SULF2: variants seen among roughly 807,000 people sequenced by gnomAD.
The protein encoded by SULF2 is extracellular sulfatase Sulf-2.
SULF2 carries 52 observed loss-of-function variants against 107.7 expected under a neutral mutation model. The ratio of observed to expected loss-of-function variants is 0.48; its 90% CI spans 0.39 to 0.61. The LOEUF (loss-of-function observed/expected upper bound fraction) is 0.61, where lower values mean the gene tolerates loss of function less well. Ranked by LOEUF, SULF2 falls within the 20% of genes least tolerant of loss-of-function variation. The pLI is 0.00. For missense variants in SULF2, 993 were observed against 1,177.3 expected (o/e 0.84, Z 2.29); for synonymous variants, 460 against 464.3 (o/e 0.99, Z 0.12).
chr20:47,771,512 G>T (rs2090629629), intron 1 of SULF2, among the ~76,000 whole-genome samples: 1 of 152,156 alleles, frequency 6.6e-6, no homozygotes, highest in Non-Finnish European at 1.5e-5. Context: ...ACCTCGTTTG[G>T]GGAAAAAGGC....
intron 2 of SULF2, among the ~76,000 whole-genome samples, chr20:47,745,386 A>T (rs2089983482): frequency 1.5e-4 from 1 of 6,544 alleles, no homozygotes; most frequent in African/African-American, 1.6e-3. Context: ...TTGAGGGAAA[A>T]AAAAAAAAAA....
intron 1 of SULF2, among the ~76,000 whole-genome samples, chr20:47,770,187 A>G: frequency 6.6e-6 from 1 of 150,626 alleles, no homozygotes. Flanking sequence ...CAGCCTCCCA[A>G]GCAGCTGGGA....
chr20:47,761,292 G>A (rs2090413618), intron 1 of SULF2, among the ~76,000 whole-genome samples: 1 of 152,100 alleles, frequency 6.6e-6, no homozygotes, highest in Non-Finnish European at 1.5e-5. Flanking sequence ...TGTGAATTCT[G>A]CCCTCCCTCA....
intron 2 of SULF2, among the ~76,000 whole-genome samples, chr20:47,747,470 C>T (rs1360185395): frequency 1.8e-4 from 28 of 152,100 alleles, no homozygotes; most frequent in Admixed American, 1.8e-3. Flanking sequence ...TGGCAGAGCA[C>T]ACGTGGGAAA....
chr20:47,715,714 T>A (rs1054618336), intron 3 of SULF2, among the ~76,000 whole-genome samples: 1 of 151,938 alleles, frequency 6.6e-6, no homozygotes, highest in African/African-American at 2.4e-5. Context: ...CCCGACTGGC[T>A]GGGATTACAG....
intron 2 of SULF2, among the ~76,000 whole-genome samples, chr20:47,741,885 A>G (rs549456893): frequency 3.2e-4 from 48 of 152,358 alleles, no homozygotes; most frequent in Admixed American, 1.1e-3. Context: ...CTTGGCAAAC[A>G]GTGAACAGCC....
intron 2 of SULF2, among the ~76,000 whole-genome samples, chr20:47,740,083 C>A (rs1454802218): frequency 6.6e-6 from 1 of 152,218 alleles, no homozygotes; most frequent in Non-Finnish European, 1.5e-5. Flanking sequence ...GGGAAGAGGG[C>A]AGTCTTCTAT....
At chr20:47,691,579 A>C (rs1182981904) in intron 4 of SULF2, among the ~76,000 whole-genome samples, 1 of 152,232 alleles carries the variant, frequency 6.6e-6, no homozygotes, top group Non-Finnish European at 1.5e-5. Flanking sequence ...GATCCAGGAA[A>C]GAGTTCCAGG....
Position 47,682,452 on chromosome 20 carries a change from G to A in SULF2, c.1064+542C>T, listed in dbSNP as rs191862066. Among the ~76,000 whole-genome samples, 23 of 152,324 alleles carry A rather than the reference G, an allele frequency of 1.5e-4. 1 individual carries two copies. In the East Asian group the frequency reaches 3.1e-3, roughly 20 times the overall value. On this transcript the variant is annotated intron_variant, in intron 7 of 20. Coordinates refer to ENST00000688720, the MANE Select transcript of SULF2 (RefSeq NM_001387048.1). ...GCCTGTCCGCTCCCCTGCCCCAGAC[G>A]CAGCATGTTCGCTGCCAGAACATGT...
chr20:47,673,187 C>G (rs531345294), intron 10 of SULF2, among the ~76,000 whole-genome samples: 1 of 152,332 alleles, frequency 6.6e-6, no homozygotes, highest in East Asian at 1.9e-4. Flanking sequence ...CTCTTCCCTT[C>G]TGTCCACAGC....
At chr20:47,740,235 G>A (rs2089845299) in intron 2 of SULF2, among the ~76,000 whole-genome samples, 1 of 152,216 alleles carries the variant, frequency 6.6e-6, no homozygotes, top group African/African-American at 2.4e-5. Context: ...TGAATGACTG[G>A]CTAAGGCTGC....
At chr20:47,688,024 T>G (rs577017980) in intron 5 of SULF2, among the ~76,000 whole-genome samples, 52 of 151,972 alleles carry the variant, frequency 3.4e-4, no homozygotes, top group South Asian at 4.2e-4. Flanking sequence ...ACTGTGTGTG[T>G]GGGGGGGTGC....
At chr20:47,750,013 C>T (rs1005043063) in intron 2 of SULF2, among the ~76,000 whole-genome samples, 7 of 152,186 alleles carry the variant, frequency 4.6e-5, no homozygotes, top group South Asian at 2.1e-4. Context: ...GACAGAGTCT[C>T]GCTCTGTCGC....
At chr20:47,663,405 T>G (rs2235734) in intron 16 of SULF2, 48 bp downstream of exon 16, 549,191 of 1,599,120 alleles carry the variant, frequency 0.34, 95,898 homozygotes, top group Middle Eastern at 0.47. Context: ...AGAAGTTTCT[T>G]GAACCCCTGG....
At chr20:47,755,903 G>A (rs1468951821) in intron 2 of SULF2, among the ~76,000 whole-genome samples, 1 of 145,236 alleles carries the variant, frequency 6.9e-6, no homozygotes, top group African/African-American at 2.5e-5. Flanking sequence ...CTCCACTCCG[G>A]CTCCCTGGCA....
intron 9 of SULF2, among the ~76,000 whole-genome samples, chr20:47,676,864 G>C (rs2087658474): frequency 6.6e-6 from 1 of 152,234 alleles, no homozygotes; most frequent in Admixed American, 6.5e-5. Context: ...ACATTGTAGA[G>C]GCTGGACAAA....
At chr20:47,744,348 A>AT (rs1337781538) in intron 2 of SULF2, among the ~76,000 whole-genome samples, 1 of 151,682 alleles carries the variant, frequency 6.6e-6, no homozygotes, top group East Asian at 1.9e-4. Flanking sequence ...ATGCCCAGCT[A>AT]TTTTTTTTGG....
intron 1 of SULF2, among the ~76,000 whole-genome samples, chr20:47,766,686 T>C (rs1440101811): frequency 6.6e-6 from 1 of 152,160 alleles, no homozygotes; most frequent in South Asian, 2.1e-4. Flanking sequence ...AAGCTGGAGT[T>C]GAAAGATTCC....
chr20:47,773,435 A>G (rs1016845267), intron 1 of SULF2, among the ~76,000 whole-genome samples: 2 of 152,222 alleles, frequency 1.3e-5, no homozygotes, highest in Non-Finnish European at 2.9e-5. Flanking sequence ...GGAGGAAGTA[A>G]GTGCAAAGGC....
Sources: gnomAD v4.1 joint callset for allele counts (sites outside exome capture counted in the v4.1 genomes callset) on GRCh38, gnomAD v4.1.1 for gene constraint, MANE v1.5 for transcripts, NCBI Gene and HGNC (gene_info 2026-07-23, HGNC 2026-07-21) for gene names.